The following RHPN2 variants were observed in gnomAD, a reference collection of about 807,000 sequenced individuals.
RHPN2 encodes the protein rhophilin-2.
A neutral mutation model predicts 79.0 loss-of-function variants in RHPN2; 40 were observed. The observed-to-expected ratio is 0.51, with a 90% CI of 0.39 to 0.66. RHPN2 has a LOEUF of 0.66. RHPN2 is among the 30% of genes least tolerant of loss of function. RHPN2 has a pLI of 0.00. For missense variants in RHPN2, 686 were observed against 883.5 expected (o/e 0.78, Z 2.83); for synonymous variants, 285 against 363.5 (o/e 0.78, Z 2.46).
intron 7 of RHPN2, 62 bp from the exon 8 acceptor site, chr19:33,003,062 TAGAG>T: frequency 6.7e-7 from 1 of 1,490,662 alleles, no homozygotes; most frequent in Non-Finnish European, 9.2e-7. Context: ...CACGTTGCTA[TAGAG>T]AAAGATAGGA....
At chr19:33,028,328 G>C (rs1420926570) in intron 2 of RHPN2, among the ~76,000 whole-genome samples, 1 of 151,972 alleles carries the variant, frequency 6.6e-6, no homozygotes, top group Non-Finnish European at 1.5e-5. Context: ...GCTAATTTTT[G>C]TGTTTCTTTG....
At chr19:32,997,340 T>C (rs1190311146) in intron 10 of RHPN2, among the ~76,000 whole-genome samples, 1 of 152,182 alleles carries the variant, frequency 6.6e-6, no homozygotes, top group African/African-American at 2.4e-5. Flanking sequence ...AGTTTACATG[T>C]AGTGGTTGAC....
At chr19:33,003,495 T>C (rs1410884002) in intron 7 of RHPN2, among the ~76,000 whole-genome samples, 1 of 150,692 alleles carries the variant, frequency 6.6e-6, no homozygotes, top group Non-Finnish European at 1.5e-5. Flanking sequence ...CCCCAAACAA[T>C]TGAAAGTGGG....
At chr19:33,016,225 TA>T (rs1278456253) in intron 4 of RHPN2, among the ~76,000 whole-genome samples, 2 of 151,564 alleles carry the variant, frequency 1.3e-5, no homozygotes, top group African/African-American at 4.9e-5. Context: ...TTTTTTTTTT[TA>T]AATGAGACAA....
At position 33,013,416 on chromosome 19, in the gene RHPN2, A is replaced by G. The variant is rs112149006; in HGVS notation, c.391-692T>C. ...CACCACATTGCCCAGGCTGGTCTCAAACTCCTGGGCTCAAGCAATCCATCT... is the reference window on the plus strand; with the variant it reads ...CACCACATTGCCCAGGCTGGTCTCAGACTCCTGGGCTCAAGCAATCCATCT... On this transcript the variant is annotated intron_variant, in intron 4 of 14. Coordinates refer to ENST00000254260, the MANE Select transcript of RHPN2 (RefSeq NM_033103.5). 1.5e-3 allele frequency among the ~76,000 whole-genome samples: 226 copies of G among 152,088 alleles called. 2 individuals carry two copies. The highest frequency in any genetic ancestry group is 5.3e-3 in the African/African-American group (221 of 41,494).
intron 3 of RHPN2, among the ~76,000 whole-genome samples, chr19:33,022,566 G>T (rs1046466952): frequency 3.9e-5 from 6 of 152,126 alleles, no homozygotes; most frequent in Admixed American, 3.9e-4. Flanking sequence ...CCCAGGGTCA[G>T]ACACCCTCCA....
At chr19:33,000,867 G>A (rs1438982257) in intron 9 of RHPN2, among the ~76,000 whole-genome samples, 1 of 152,150 alleles carries the variant, frequency 6.6e-6, no homozygotes, top group East Asian at 1.9e-4. Flanking sequence ...TCCACCTGCT[G>A]CTGCATTTGT....
chr19:33,027,611 T>C (rs565489984), intron 2 of RHPN2, among the ~76,000 whole-genome samples: 2 of 152,244 alleles, frequency 1.3e-5, no homozygotes, highest in East Asian at 3.9e-4. Context: ...ATTCATTCTG[T>C]AAGACTAGTA....
At chr19:33,028,372 G>A (rs1971984358) in intron 2 of RHPN2, among the ~76,000 whole-genome samples, 2 of 151,980 alleles carry the variant, frequency 1.3e-5, no homozygotes, top group Non-Finnish European at 2.9e-5. Flanking sequence ...GCCCAGGCTG[G>A]CCCAGAAATC....
chr19:33,001,971 G>C (rs570743638), intron 9 of RHPN2, among the ~76,000 whole-genome samples: 80 of 152,150 alleles, frequency 5.3e-4, no homozygotes, highest in African/African-American at 1.9e-3. Context: ...AGCATTTTTG[G>C]CCTTCCCTTA....
In RHPN2 at chr19:33,002,819, A is replaced by G; in HGVS notation, c.942T>C (p.Ala314=). ...AGGAACCAGGGAGTCCTACCTTAGC[A>G]GCCTCCTGAGCCACCTTCACCAGCA... ...FFMLVKVAQE[A]AKVGEVYQQL... is the part of the protein sequence containing the mutation. Residue 314 remains alanine, a synonymous_variant, in exon 8 of 15, where the codon GCT becomes GCC. Transcript: ENST00000254260. 6.2e-7 allele frequency: 1 copy of G among 1,613,816 alleles called. No homozygotes were observed. The highest frequency in any genetic ancestry group is 8.5e-7 in the Non-Finnish European group (1 of 1,179,812).
At chr19:33,012,499 G>T in intron 5 of RHPN2, 148 bp downstream of exon 5, 1 of 714,082 alleles carries the variant, frequency 1.4e-6, no homozygotes. Flanking sequence ...GTTTTCTTAT[G>T]CAGCAAGTGG....
intron 1 of RHPN2, 140 bp from the exon 2 acceptor site, chr19:33,044,504 A>G: frequency 1.4e-6 from 1 of 707,768 alleles, no homozygotes; most frequent in Non-Finnish European, 2.5e-6. Context: ...ATTGAAAAGT[A>G]TAAAGAAAAG....
At chr19:33,018,231 A>T (rs1326216613) in intron 4 of RHPN2, among the ~76,000 whole-genome samples, 10 of 151,764 alleles carry the variant, frequency 6.6e-5, no homozygotes, top group Non-Finnish European at 1.3e-4. Context: ...CAGGAGGCTG[A>T]GGAAGGAGAA....
intron 12 of RHPN2, among the ~76,000 whole-genome samples, chr19:32,993,723 T>G (rs1242688926): frequency 2.0e-5 from 3 of 152,154 alleles, no homozygotes; most frequent in African/African-American, 7.2e-5. Context: ...GCTCATCACC[T>G]TTTCTGCCAT....
At chr19:33,012,158 C>T (rs571797438) in intron 5 of RHPN2, among the ~76,000 whole-genome samples, 11 of 151,530 alleles carry the variant, frequency 7.3e-5, no homozygotes, top group Non-Finnish European at 1.5e-4. Context: ...TCTCCTGCCT[C>T]AGCCTCCCGA....
At position 33,021,583 on chromosome 19, in the gene RHPN2, T is replaced by A; in HGVS notation, c.378A>T (p.Ala126=). The part of the protein sequence containing the change: ...GLKETKDVDF[A]VVLKDFILEH... ...CTTTGAGATTTACCTTGAGGACGAC[T>A]GCAAAGTCGACGTCTTTCGTTTCCT... Residue 126 remains alanine, a synonymous_variant, in exon 4 of 15, where the codon GCA becomes GCT. Coordinates refer to ENST00000254260, the MANE Select transcript of RHPN2 (RefSeq NM_033103.5). The A allele has an allele frequency of 6.2e-7, 1 of 1,613,766 alleles. No individual in the cohort carries two copies.
Position 32,991,896 on chromosome 19 carries a change from CCTT to C in RHPN2, c.1568_1570del (p.Glu523del), listed in dbSNP as rs1338712347. Reference sequence around the variant, plus strand: ...CCCTCTCAAGGTGAACCCCAAGTCCCCTTCTTCTGCAGTGAAGCGGATGCTTCG... The same window carrying C: ...CCCTCTCAAGGTGAACCCCAAGTCCCCTTCTGCAGTGAAGCGGATGCTTCG... On this transcript the variant is annotated inframe_deletion, in exon 13 of 15. Coordinates refer to ENST00000254260, the MANE Select transcript of RHPN2 (RefSeq NM_033103.5). 11 of 1,613,842 alleles carry C rather than the reference CCTT, an allele frequency of 6.8e-6. No homozygotes were observed. The highest frequency in any genetic ancestry group is 4.0e-5 in the African/African-American group (3 of 74,928).
At chr19:33,064,373 C>T (rs1972308063) in intron 1 of RHPN2, among the ~76,000 whole-genome samples, 1 of 152,154 alleles carries the variant, frequency 6.6e-6, no homozygotes, top group Non-Finnish European at 1.5e-5. Flanking sequence ...TGTCTCCACC[C>T]GCGCTCCCAC....
Sources: allele counts gnomAD v4.1 joint callset (sites outside exome capture counted in the v4.1 genomes callset), GRCh38; gene constraint gnomAD v4.1.1; transcripts MANE v1.5; gene names NCBI Gene and HGNC (gene_info 2026-07-23, HGNC 2026-07-21).